Variants in RIMS1 observed in about 807,000 individuals in gnomAD.
The protein encoded by RIMS1 is regulating synaptic membrane exocytosis 1.
A neutral mutation model predicts 214.1 loss-of-function variants in RIMS1; 83 were observed. The ratio of observed to expected loss-of-function variants is 0.39; its 90% CI spans 0.32 to 0.47. The LOEUF (loss-of-function observed/expected upper bound fraction) is 0.47. RIMS1 is among the 20% of genes least tolerant of loss of function. RIMS1 has a pLI of 0.99. For missense variants in RIMS1, 2,050 were observed against 2,161.8 expected, an observed-to-expected ratio of 0.95 and a Z score of 1.03; for synonymous variants, 793 against 786.8, an observed-to-expected ratio of 1.01 and a Z score of -0.13.
At chr6:72,275,503 G>A (rs2085908198) in intron 23 of RIMS1, among the ~76,000 whole-genome samples, 1 of 152,030 alleles carries the variant, frequency 6.6e-6, no homozygotes, top group African/African-American at 2.4e-5. Context: ...AAAAATTAAG[G>A]TTGTTTTACA....
At chr6:72,214,032 T>C (rs2054594977) in intron 6 of RIMS1, among the ~76,000 whole-genome samples, 1 of 152,068 alleles carries the variant, frequency 6.6e-6, no homozygotes, top group South Asian at 2.1e-4. Context: ...AATAGAAGGA[T>C]TTTTTCTACT....
intron 9 of RIMS1, among the ~76,000 whole-genome samples, chr6:72,238,280 CTT>C (rs1267763918): frequency 1.3e-5 from 2 of 151,902 alleles, no homozygotes; most frequent in Non-Finnish European, 2.9e-5. Context: ...AGAAAAAAAT[CTT>C]ATATCACTAT....
chr6:72,054,521 G>C (rs1398795500), intron 2 of RIMS1, among the ~76,000 whole-genome samples: 3 of 152,058 alleles, frequency 2.0e-5, no homozygotes, highest in Admixed American at 2.0e-4. Flanking sequence ...CACAATGGTT[G>C]AACTAATTTA....
intron 4 of RIMS1, among the ~76,000 whole-genome samples, chr6:72,169,580 C>A (rs1252421897): frequency 3.3e-5 from 5 of 152,016 alleles, no homozygotes; most frequent in Non-Finnish European, 5.9e-5. Context: ...ATATTTTATT[C>A]TCAATCAACA....
At chr6:72,198,339 C>A (rs80169793) in intron 6 of RIMS1, among the ~76,000 whole-genome samples, 18 of 13,694 alleles carry the variant, frequency 1.3e-3, no homozygotes, top group East Asian at 0.016. Flanking sequence ...AAATAATAAT[C>A]ATCATCATCA....
intron 31 of RIMS1, among the ~76,000 whole-genome samples, chr6:72,397,971 G>T (rs2098799092): frequency 1.3e-5 from 2 of 152,022 alleles, no homozygotes; most frequent in Non-Finnish European, 2.9e-5. Context: ...TTAAGTACAA[G>T]AATTATAGAA....
At chr6:72,019,491 A>T (rs559627657) in intron 2 of RIMS1, among the ~76,000 whole-genome samples, 1 of 152,336 alleles carries the variant, frequency 6.6e-6, no homozygotes, top group Admixed American at 6.5e-5. Context: ...TGCAGGTGTT[A>T]TAGCGATCAC....
Position 72,401,752 on chromosome 6 carries a change from A to G in RIMS1, c.*1038A>G, listed in dbSNP as rs2815736. 78,421 of 152,526 alleles carry G rather than the reference A, an allele frequency of 0.51. 21,014 individuals are homozygous for G. The highest frequency in any genetic ancestry group is 0.6 in the African/African-American group (25,032 of 41,494). The allele number at this position is 152,526 out of a possible 1,614,324, so 9.4% of individuals were successfully genotyped here. A position where few individuals can be genotyped will look rare whatever the true frequency, so the allele number is the denominator to read the frequency against. On this transcript the variant is annotated 3_prime_UTR_variant, in exon 34 of 34. Transcript: ENST00000521978. ...AGCTATGCCCAGGCTTCTCAGCCATACCTCAGTGTAGACACATCCATCTGC... is the reference window on the plus strand; with the variant it reads ...AGCTATGCCCAGGCTTCTCAGCCATGCCTCAGTGTAGACACATCCATCTGC...
At chr6:72,261,100 T>C (rs1197695270) in intron 19 of RIMS1, 1 of 1,191,620 alleles carries the variant, frequency 8.4e-7, no homozygotes, top group Non-Finnish European at 1.1e-6. Flanking sequence ...TTCCCACACA[T>C]ATTCCTGTCT....
intron 26 of RIMS1, among the ~76,000 whole-genome samples, chr6:72,305,296 G>A (rs907729146): frequency 2.0e-5 from 3 of 151,996 alleles, no homozygotes; most frequent in Non-Finnish European, 2.9e-5. Flanking sequence ...TGAAAATTAC[G>A]TGGCACTAAA....
intron 2 of RIMS1, among the ~76,000 whole-genome samples, chr6:72,008,126 C>T (rs1480974281): frequency 2.0e-5 from 3 of 152,142 alleles, no homozygotes; most frequent in South Asian, 2.1e-4. Flanking sequence ...GCTGATCTCT[C>T]GGCAGAAACT....
rs184301934 is a variant in RIMS1, at chr6:72,268,441, G to A, written c.3398+2392G>A. 2.1e-3 allele frequency among the ~76,000 whole-genome samples: 315 copies of A among 152,216 alleles called. 4 individuals are homozygous for A. Among genetic ancestry groups the A allele is most frequent in the African/African-American group, 6.9e-3 (288 of 41,554 alleles). ...AGATGAACATTATTTCTACAAATTTGTCAACTATGTATGGTCAAACGATTT... is the reference window on the plus strand; with the variant it reads ...AGATGAACATTATTTCTACAAATTTATCAACTATGTATGGTCAAACGATTT... On this transcript the variant is annotated intron_variant, in intron 22 of 33. Coordinates refer to ENST00000521978, the MANE Select transcript of RIMS1 (RefSeq NM_014989.7).
chr6:72,341,734 T>C (rs867598681), intron 29 of RIMS1, among the ~76,000 whole-genome samples: 1 of 151,798 alleles, frequency 6.6e-6, no homozygotes, highest in Admixed American at 6.6e-5. Context: ...TATTTATGTA[T>C]GTTATCAAAG....
intron 19 of RIMS1, chr6:72,262,567 G>A (rs1211477518): frequency 1.0e-6 from 1 of 979,628 alleles, no homozygotes; most frequent in East Asian, 1.1e-4. Flanking sequence ...TATGGAGATA[G>A]AGACAACATG....
At chr6:71,894,186 C>T (rs986838528) in intron 1 of RIMS1, among the ~76,000 whole-genome samples, 4 of 152,158 alleles carry the variant, frequency 2.6e-5, no homozygotes, top group African/African-American at 4.8e-5. Context: ...GGCTCACTCC[C>T]GTAATCCCAA....
intron 6 of RIMS1, among the ~76,000 whole-genome samples, chr6:72,200,695 T>C (rs2051798384): frequency 6.6e-6 from 1 of 152,148 alleles, no homozygotes. Context: ...CCCTCTTAAC[T>C]ACCGAAAAGG....
At chr6:72,100,611 G>C (rs916556717) in intron 4 of RIMS1, among the ~76,000 whole-genome samples, 8 of 71,154 alleles carry the variant, frequency 1.1e-4, no homozygotes, top group African/African-American at 2.9e-4. Flanking sequence ...TGTTCAGTCA[G>C]CCTTTCCTTT....
In RIMS1 at chr6:72,111,583, C is replaced by T. The variant is rs1587260403; in HGVS notation, c.471+11597C>T. Reference sequence around the variant, plus strand: ...GTAAAGTTCCACTTTTTCAAGTTTTCATCCATTGGTTTGTTTTTGGACTTT... The same window carrying T: ...GTAAAGTTCCACTTTTTCAAGTTTTTATCCATTGGTTTGTTTTTGGACTTT... On this transcript the variant is annotated intron_variant, in intron 4 of 33. Transcript: ENST00000521978. 2.6e-5 allele frequency among the ~76,000 whole-genome samples: 4 copies of T among 152,244 alleles called. No individual in the cohort carries two copies. In the South Asian group the frequency reaches 8.3e-4, roughly 32 times the overall value.
chr6:72,058,552 T>A (rs1826981987), intron 2 of RIMS1, among the ~76,000 whole-genome samples: 1 of 152,198 alleles, frequency 6.6e-6, no homozygotes, highest in African/African-American at 2.4e-5. Flanking sequence ...CTTTCATATG[T>A]GTTTGTGCTC....
Sources: allele counts gnomAD v4.1 joint callset (sites outside exome capture counted in the v4.1 genomes callset), GRCh38; gene constraint gnomAD v4.1.1; transcripts MANE v1.5; gene names NCBI Gene and HGNC (gene_info 2026-07-23, HGNC 2026-07-21).